Variants in GALNT18 observed in about 807,000 individuals in gnomAD.
GALNT18 encodes polypeptide N-acetylgalactosaminyltransferase 18.
A neutral mutation model predicts 69.5 loss-of-function variants in GALNT18; 44 were observed. The ratio of observed to expected loss-of-function variants is 0.63; its 90% confidence interval spans 0.50 to 0.81. GALNT18 has a LOEUF of 0.81. Ranked by LOEUF, GALNT18 falls within the 40% of genes least tolerant of loss-of-function variation. GALNT18 has a pLI of 0.00. For synonymous variants in GALNT18, 364 were observed against 318.2 expected (o/e 1.14, Z -1.53); for missense variants, 715 against 810.0 (o/e 0.88, Z 1.42).
At chr11:11,482,966 A>G (rs1427065351) in intron 1 of GALNT18, among the ~76,000 whole-genome samples, 2 of 152,200 alleles carry the variant, frequency 1.3e-5, no homozygotes, top group Non-Finnish European at 2.9e-5. Flanking sequence ...CCTCATCATA[A>G]TCTGCATTTG....
In GALNT18 at chr11:11,303,367, C is replaced by A. The variant is rs562886327; in HGVS notation, c.1513-10174G>T. On this transcript the variant is annotated intron_variant, in intron 9 of 10. Coordinates refer to ENST00000227756, the MANE Select transcript of GALNT18 (RefSeq NM_198516.3). ...GTGCATTCACATGACATGAATTGACCTTTCTTTCTCCCTTGGCTCATGTTT... is the reference window on the plus strand; with the variant it reads ...GTGCATTCACATGACATGAATTGACATTTCTTTCTCCCTTGGCTCATGTTT... Among the ~76,000 whole-genome samples, 4 of 152,280 alleles carry A rather than the reference C, an allele frequency of 2.6e-5. 1 individual carries two copies. The South Asian group carries it at 8.3e-4, about 32-fold the overall frequency.
At position 11,396,664 on chromosome 11, in the gene GALNT18, C is replaced by T. The variant is rs950169083; in HGVS notation, c.596-17400G>A. On this transcript the variant is annotated intron_variant, in intron 3 of 10. Transcript: ENST00000227756. The surrounding 1 kb of genome is among the most constrained non-coding windows in gnomAD (Gnocchi z 5.2). ...TGTGGTTGGGGGCAGTAGGGATTAA[C>T]GCCACCTAATCTAAGGGTGAAAGTG... 7.2e-5 allele frequency among the ~76,000 whole-genome samples: 11 copies of T among 152,116 alleles called. No homozygotes were observed. The highest frequency in any genetic ancestry group is 2.1e-4 in the South Asian group (1 of 4,824).
At chr11:11,513,466 T>C (rs1486455456) in intron 1 of GALNT18, among the ~76,000 whole-genome samples, 2 of 152,316 alleles carry the variant, frequency 1.3e-5, no homozygotes, top group East Asian at 3.9e-4. Context: ...TTCAAAGACG[T>C]GGGTTGTCCT....
At chr11:11,401,917 C>T (rs1026957850) in intron 3 of GALNT18, among the ~76,000 whole-genome samples, 1 of 152,210 alleles carries the variant, frequency 6.6e-6, no homozygotes, top group African/African-American at 2.4e-5. Context: ...TTCCCAACAA[C>T]TAACTCTTGT....
intron 1 of GALNT18, among the ~76,000 whole-genome samples, chr11:11,553,680 T>TCCCCC (rs5789691): frequency 6.6e-6 from 1 of 150,922 alleles, no homozygotes; most frequent in Admixed American, 6.6e-5. Flanking sequence ...AGCACCAAGC[T>TCCCCC]CCCCCCCAGC....
intron 1 of GALNT18, among the ~76,000 whole-genome samples, chr11:11,545,723 C>T (rs1858039693): frequency 1.3e-5 from 2 of 152,194 alleles, no homozygotes; most frequent in African/African-American, 4.8e-5. Flanking sequence ...CAGTCCTTCA[C>T]TCAGGGGACA....
At chr11:11,283,321 ATTT>A (rs1026930458) in intron 10 of GALNT18, among the ~76,000 whole-genome samples, 3 of 152,128 alleles carry the variant, frequency 2.0e-5, no homozygotes, top group Admixed American at 1.3e-4. Flanking sequence ...TAGTATTTGT[ATTT>A]TTAGGAGAGA....
At chr11:11,512,180 A>G (rs4076291) in intron 1 of GALNT18, among the ~76,000 whole-genome samples, 1 of 151,998 alleles carries the variant, frequency 6.6e-6, no homozygotes, top group African/African-American at 2.4e-5. Context: ...GCCTGCCCCC[A>G]TGGGTTCAGG....
intron 1 of GALNT18, among the ~76,000 whole-genome samples, chr11:11,537,430 C>A (rs1287994459): frequency 6.6e-6 from 1 of 152,152 alleles, no homozygotes; most frequent in African/African-American, 2.4e-5. Flanking sequence ...AGGATACAGG[C>A]AATCATGTTT....
At position 11,603,220 on chromosome 11, in the gene GALNT18, G is replaced by T. The variant is rs1355731892; in HGVS notation, c.235+18139C>A. On this transcript the variant is annotated intron_variant, in intron 1 of 10. Transcript: ENST00000227756. The surrounding 1 kb of genome is among the most constrained non-coding windows in gnomAD (Gnocchi z 4.5). ...GGCTGTAAACAAATAATACCCAACA[G>T]CCAAGACTAAGTGTTGCCACATAAG... Among the ~76,000 whole-genome samples, 1 of 152,150 alleles carries T rather than the reference G, an allele frequency of 6.6e-6. No homozygotes were observed. The highest frequency in any genetic ancestry group is 1.5e-5 in the Non-Finnish European group (1 of 68,020).
intron 2 of GALNT18, among the ~76,000 whole-genome samples, chr11:11,443,242 C>T (rs1175367249): frequency 6.6e-6 from 1 of 152,240 alleles, no homozygotes; most frequent in African/African-American, 2.4e-5. Context: ...AACCCTGCGC[C>T]ATCCTCCTTC....
chr11:11,513,216 C>G (rs1293601377), intron 1 of GALNT18, among the ~76,000 whole-genome samples: 2 of 152,226 alleles, frequency 1.3e-5, no homozygotes, highest in African/African-American at 4.8e-5. Context: ...CTGCATGTCT[C>G]TGAGCCTCAG....
Position 11,432,849 on chromosome 11 carries a change from C to A in GALNT18, c.429-62G>T. ...AGCTGGAGTCATCTCAGGAGCTGACCCAGCCCATGTCCTGGCTCCAGCTTT... is the reference window on the plus strand; with the variant it reads ...AGCTGGAGTCATCTCAGGAGCTGACACAGCCCATGTCCTGGCTCCAGCTTT... On this transcript the variant is annotated intron_variant, in intron 2 of 10. Coordinates refer to ENST00000227756, the MANE Select transcript of GALNT18 (RefSeq NM_198516.3). This position sits in a 1 kb window ranked among gnomAD's most constrained non-coding sequence, Gnocchi z 5.8. 1.9e-6 allele frequency: 3 copies of A among 1,540,560 alleles called. No individual in the cohort carries two copies. The highest frequency in any genetic ancestry group is 2.4e-5 in the South Asian group (2 of 83,624).
rs180690990 is a variant in GALNT18, at chr11:11,530,697, G to A, written c.236-81761C>T. 1.8e-3 allele frequency among the ~76,000 whole-genome samples: 273 copies of A among 152,318 alleles called. 4 individuals are homozygous for A. The highest frequency in any genetic ancestry group is 6.1e-3 in the African/African-American group (253 of 41,558). On this transcript the variant is annotated intron_variant, in intron 1 of 10. Transcript: ENST00000227756. ...GCCCAGCACTTGGACAAAGTCACCTGTGGAGCCCTTCAGTGTTCACGACCC... is the reference window on the plus strand; with the variant it reads ...GCCCAGCACTTGGACAAAGTCACCTATGGAGCCCTTCAGTGTTCACGACCC...
intron 1 of GALNT18, among the ~76,000 whole-genome samples, chr11:11,528,477 A>C (rs542883910): frequency 2.6e-5 from 4 of 152,338 alleles, no homozygotes; most frequent in Non-Finnish European, 4.4e-5. Context: ...CTGTAAAGGC[A>C]ATCAGATTCT....
chr11:11,451,601 C>T (rs78126222), intron 1 of GALNT18, among the ~76,000 whole-genome samples: 1,870 of 152,234 alleles, frequency 0.012, 43 homozygotes, highest in African/African-American at 0.043. Context: ...TCAAGCACTG[C>T]GATAGGTCAT....
At chr11:11,322,125 T>A (rs1472526192) in intron 9 of GALNT18, among the ~76,000 whole-genome samples, 2 of 152,344 alleles carry the variant, frequency 1.3e-5, no homozygotes, top group African/African-American at 4.8e-5. Context: ...TTTTAAATAT[T>A]TTACATGTGT....
Position 11,340,100 on chromosome 11 carries a change from T to TCAA in GALNT18, c.1278+718_1278+719insTTG, listed in dbSNP as rs1554918698. Among the ~76,000 whole-genome samples the TCAA allele has an allele frequency of 6.6e-6, 1 of 151,734 alleles. No homozygotes were observed. Among genetic ancestry groups the TCAA allele is most frequent in the African/African-American group, 2.4e-5 (1 of 41,180 alleles). ...GGGTTGGAATCATGTGGCTGGCATC[T>TCAA]CTCAGTAGTAGAGCTGGGTTCTCTC... On this transcript the variant is annotated intron_variant, in intron 7 of 10. Coordinates refer to ENST00000227756, the MANE Select transcript of GALNT18 (RefSeq NM_198516.3). This position sits in a 1 kb window ranked among gnomAD's most constrained non-coding sequence, Gnocchi z 4.2.
intron 5 of GALNT18, among the ~76,000 whole-genome samples, chr11:11,375,430 C>G (rs1344474165): frequency 6.6e-6 from 1 of 152,212 alleles, no homozygotes; most frequent in Non-Finnish European, 1.5e-5. Flanking sequence ...AGAACAGAAA[C>G]AGTTACTGTC....
Sources: allele counts gnomAD v4.1 joint callset (sites outside exome capture counted in the v4.1 genomes callset), GRCh38; gene constraint gnomAD v4.1.1; non-coding constraint Gnocchi (gnomAD v3.1); transcripts MANE v1.5; gene names NCBI Gene and HGNC (gene_info 2026-07-23, HGNC 2026-07-21).